Variants in HLCS observed in about 807,000 individuals in gnomAD.
The protein encoded by HLCS is biotin--protein ligase.
HLCS carries 53 observed loss-of-function variants against 75.0 expected under a neutral mutation model. That is an observed-to-expected ratio of 0.71 (90% CI 0.57 to 0.89). The LOEUF (loss-of-function observed/expected upper bound fraction) is 0.89. Among genes scored for constraint, HLCS ranks in the 40% least tolerant of loss-of-function variants. The probability of loss-of-function intolerance (pLI) is 0.00; values close to 1 mark genes in which losing one functional copy is unlikely to be tolerated. For synonymous variants in HLCS, 431 were observed against 428.6 expected (o/e 1.01, Z -0.07); for missense variants, 966 against 1,074.0 (o/e 0.90, Z 1.41).
At chr21:36,756,395 G>C (rs1339721349) in intron 10 of HLCS, 147 bp downstream of exon 10, 1 of 639,030 alleles carries the variant, frequency 1.6e-6, no homozygotes. Flanking sequence ...AGCTTGCAGT[G>C]AGCCAAGATC....
intron 5 of HLCS, among the ~76,000 whole-genome samples, chr21:36,901,950 A>C (rs1363015333): frequency 6.6e-6 from 1 of 152,108 alleles, no homozygotes; most frequent in Non-Finnish European, 1.5e-5. Flanking sequence ...AGGGAGAGAA[A>C]AATCAAGTGT....
At chr21:36,810,814 G>A (rs753859302) in intron 6 of HLCS, among the ~76,000 whole-genome samples, 2 of 152,126 alleles carry the variant, frequency 1.3e-5, no homozygotes, top group Non-Finnish European at 2.9e-5. Context: ...CTGGGTACAA[G>A]GTTACGCCTG....
intron 5 of HLCS, among the ~76,000 whole-genome samples, chr21:36,902,887 GA>G (rs2065296739): frequency 1.3e-5 from 2 of 152,210 alleles, no homozygotes; most frequent in South Asian, 4.1e-4. Context: ...GGGCTTAGCA[GA>G]GAGGAGGCAG....
chr21:36,848,327 T>C (rs1385124579), intron 6 of HLCS, among the ~76,000 whole-genome samples: 2 of 151,242 alleles, frequency 1.3e-5, no homozygotes, highest in African/African-American at 4.9e-5. Context: ...TGAAGTGCAG[T>C]GGCATAATCT....
intron 6 of HLCS, among the ~76,000 whole-genome samples, chr21:36,830,075 C>T (rs1042493550): frequency 2.0e-5 from 3 of 152,118 alleles, no homozygotes; most frequent in Admixed American, 2.0e-4. Context: ...TGACTCGTGT[C>T]CTTGTAAGAA....
intron 6 of HLCS, among the ~76,000 whole-genome samples, chr21:36,857,798 G>A (rs1487577556): frequency 6.6e-6 from 1 of 151,982 alleles, no homozygotes; most frequent in East Asian, 1.9e-4. Flanking sequence ...TTTTGTTGTT[G>A]TTGTTTTTTG....
chr21:36,778,905 G>A (rs2060444477), intron 6 of HLCS, among the ~76,000 whole-genome samples: 1 of 152,086 alleles, frequency 6.6e-6, no homozygotes, highest in South Asian at 2.1e-4. Flanking sequence ...GGCATAAGAG[G>A]TTCTAGGCTC....
chr21:36,810,477 G>A (rs1245859629), intron 6 of HLCS, among the ~76,000 whole-genome samples: 1 of 152,192 alleles, frequency 6.6e-6, no homozygotes, highest in African/African-American at 2.4e-5. Flanking sequence ...CCTTGGCCCT[G>A]AGCTTACTTG....
intron 6 of HLCS, among the ~76,000 whole-genome samples, chr21:36,826,777 C>T (rs1322479029): frequency 6.6e-6 from 1 of 152,168 alleles, no homozygotes; most frequent in African/African-American, 2.4e-5. Context: ...GGAAGCTTGT[C>T]CAAGTTTACA....
intron 6 of HLCS, among the ~76,000 whole-genome samples, chr21:36,838,064 A>G (rs2062475393): frequency 6.6e-6 from 1 of 152,018 alleles, no homozygotes; most frequent in Non-Finnish European, 1.5e-5. Context: ...TATTTTTTTT[A>G]GGTCATTTCA....
chr21:36,962,793 CAAAAAAAA>C (rs386394699), intron 1 of HLCS, among the ~76,000 whole-genome samples: 1 of 80,228 alleles, frequency 1.2e-5, no homozygotes, highest in Non-Finnish European at 2.3e-5. Flanking sequence ...GACCCTATCT[CAAAAAAAA>C]AAAAAAAAAA....
intron 10 of HLCS, 58 bp from the exon 11 acceptor site, chr21:36,754,475 A>G: frequency 3.9e-6 from 6 of 1,539,060 alleles, no homozygotes; most frequent in African/African-American, 1.4e-5. Context: ...ACTTAAGACA[A>G]TGAGCTGAAG....
intron 6 of HLCS, among the ~76,000 whole-genome samples, chr21:36,774,247 GA>G (rs2060291843): frequency 6.6e-6 from 1 of 152,134 alleles, no homozygotes; most frequent in Admixed American, 6.5e-5. Flanking sequence ...CCTAGCCAGG[GA>G]CCCTGGGGAT....
At chr21:36,772,464 C>A (rs2060236521) in intron 6 of HLCS, among the ~76,000 whole-genome samples, 1 of 151,414 alleles carries the variant, frequency 6.6e-6, no homozygotes, top group Admixed American at 6.6e-5. Context: ...TGGCAAAACC[C>A]CATGTCTATC....
intron 8 of HLCS, among the ~76,000 whole-genome samples, chr21:36,763,636 A>T (rs1015280924): frequency 6.6e-6 from 1 of 152,234 alleles, no homozygotes; most frequent in African/African-American, 2.4e-5. Context: ...CGCTCTTAAC[A>T]TCTTGCTTCA....
At chr21:36,771,724 C>T (rs895167479) in intron 6 of HLCS, among the ~76,000 whole-genome samples, 3 of 152,130 alleles carry the variant, frequency 2.0e-5, no homozygotes, top group Admixed American at 2.0e-4. Flanking sequence ...TATGGCCGGG[C>T]GCGGTGGCTC....
At chr21:36,855,247 T>C (rs145385102) in intron 6 of HLCS, among the ~76,000 whole-genome samples, 65 of 152,174 alleles carry the variant, frequency 4.3e-4, no homozygotes, top group African/African-American at 1.4e-3. Flanking sequence ...CTTCAAGAAG[T>C]TGGCCACGCA....
At chr21:36,795,603 A>G (rs919120379) in intron 6 of HLCS, among the ~76,000 whole-genome samples, 2 of 152,232 alleles carry the variant, frequency 1.3e-5, no homozygotes, top group Non-Finnish European at 2.9e-5. Flanking sequence ...TTACAGCTCA[A>G]GAAATATGCA....
At chr21:36,816,609 C>T (rs752145635) in intron 6 of HLCS, among the ~76,000 whole-genome samples, 2 of 152,182 alleles carry the variant, frequency 1.3e-5, no homozygotes, top group Non-Finnish European at 2.9e-5. Context: ...TTGCCTTCTG[C>T]CACTCAGCCA....
Sources: allele counts gnomAD v4.1 joint callset (sites outside exome capture counted in the v4.1 genomes callset), GRCh38; gene constraint gnomAD v4.1.1; transcripts MANE v1.5; gene names NCBI Gene and HGNC (gene_info 2026-07-23, HGNC 2026-07-21).